MDGA2: variants seen among roughly 807,000 people sequenced by gnomAD.
The protein encoded by MDGA2 is MAM domain-containing glycosylphosphatidylinositol anchor protein 2.
A neutral mutation model predicts 117.8 loss-of-function variants in MDGA2; 40 were observed. The observed-to-expected ratio is 0.34, with a 90% CI of 0.26 to 0.44. The LOEUF (loss-of-function observed/expected upper bound fraction) is 0.44. Among genes scored for constraint, MDGA2 ranks in the 20% least tolerant of loss-of-function variants. The probability of loss-of-function intolerance (pLI) is 1.00; values close to 1 mark genes in which losing one functional copy is unlikely to be tolerated. For synonymous variants in MDGA2, 452 were observed against 439.0 expected, an observed-to-expected ratio of 1.03 and a Z score of -0.37; for missense variants, 1,123 against 1,250.6, an observed-to-expected ratio of 0.90 and a Z score of 1.54.
At chr14:47,158,363 G>GTGTGTGTGTGT (rs1555358939) in intron 3 of MDGA2, among the ~76,000 whole-genome samples, 11 of 146,784 alleles carry the variant, frequency 7.5e-5, no homozygotes, top group South Asian at 2.2e-4. Context: ...CCCTGGGGTG[G>GTGTGTGTGTGT]GTGTGTGTGT....
chr14:46,990,839 C>A (rs1355843500), intron 8 of MDGA2, among the ~76,000 whole-genome samples: 1 of 148,384 alleles, frequency 6.7e-6, no homozygotes, highest in Admixed American at 6.9e-5. Flanking sequence ...ATTGAATAAT[C>A]ATATATGGAT....
chr14:47,181,380 T>C (rs1884699173), intron 3 of MDGA2, among the ~76,000 whole-genome samples: 1 of 152,152 alleles, frequency 6.6e-6, no homozygotes, highest in Non-Finnish European at 1.5e-5. Context: ...CCAACCTAAA[T>C]GTCCATCAAT....
In MDGA2 at chr14:47,335,747, T is replaced by TATATATATATATATATATATATATACAC. The variant is rs1055245438; in HGVS notation, c.281-34198_281-34197insGTGTATATATATATATATATATATATAT. On this transcript the variant is annotated intron_variant, in intron 1 of 16. Transcript: ENST00000399232. ...CACACATATATTTTATATATATATA[T>TATATATATATATATATATATATATACAC]ACATACATACATACAGGATCACTCT... 9.0e-3 allele frequency among the ~76,000 whole-genome samples: 618 copies of TATATATATATATATATATATATATACAC among 68,514 alleles called. 65 individuals carry two copies. In the East Asian group the frequency reaches 0.13, roughly 14 times the overall value. 44.9% of individuals were successfully genotyped at this position (68,514 alleles called of 152,430 possible). A position where few individuals can be genotyped will look rare whatever the true frequency, so the allele number is the denominator to read the frequency against.
chr14:47,235,027 T>A (rs1419829398), intron 2 of MDGA2, among the ~76,000 whole-genome samples: 1 of 152,180 alleles, frequency 6.6e-6, no homozygotes, highest in East Asian at 1.9e-4. Context: ...CTTCATTATC[T>A]TATTGATTTT....
chr14:47,014,396 C>T (rs1346048528), intron 8 of MDGA2, among the ~76,000 whole-genome samples: 3 of 152,298 alleles, frequency 2.0e-5, no homozygotes, highest in East Asian at 1.9e-4. Context: ...GTTTTGAAGC[C>T]AGTCATTGAT....
chr14:47,105,314 C>T (rs962347114), intron 5 of MDGA2, among the ~76,000 whole-genome samples: 1 of 151,986 alleles, frequency 6.6e-6, no homozygotes, highest in African/African-American at 2.4e-5. Flanking sequence ...TATCTCTGTG[C>T]CCCAATCCCT....
At chr14:47,021,393 C>T (rs117568601) in intron 8 of MDGA2, among the ~76,000 whole-genome samples, 1,552 of 152,174 alleles carry the variant, frequency 0.01, 10 homozygotes, top group Non-Finnish European at 0.014. Context: ...TTTAATTCAT[C>T]GGGCACTGAA....
chr14:47,149,153 G>T (rs569055629), intron 3 of MDGA2, among the ~76,000 whole-genome samples: 1 of 152,152 alleles, frequency 6.6e-6, no homozygotes, highest in Non-Finnish European at 1.5e-5. Context: ...AGCCAGGCAT[G>T]GTGGCAGGCA....
intron 3 of MDGA2, among the ~76,000 whole-genome samples, chr14:47,149,887 C>T (rs1418588509): frequency 6.6e-6 from 1 of 152,170 alleles, no homozygotes; most frequent in Non-Finnish European, 1.5e-5. Flanking sequence ...CATCCAGCAG[C>T]CTCAGCATCT....
At chr14:46,937,187 T>C (rs1048201238) in intron 9 of MDGA2, among the ~76,000 whole-genome samples, 1 of 151,552 alleles carries the variant, frequency 6.6e-6, no homozygotes, top group African/African-American at 2.4e-5. Context: ...ACAATGCCAT[T>C]TACAACAGGC....
At chr14:47,564,954 T>C (rs976772713) in intron 1 of MDGA2, among the ~76,000 whole-genome samples, 2 of 152,208 alleles carry the variant, frequency 1.3e-5, no homozygotes, top group African/African-American at 4.8e-5. Flanking sequence ...TTCAACTCCA[T>C]CAGCTCAGTT....
intron 1 of MDGA2, among the ~76,000 whole-genome samples, chr14:47,447,856 C>G (rs1258781208): frequency 6.6e-6 from 1 of 152,130 alleles, no homozygotes; most frequent in African/African-American, 2.4e-5. Context: ...CGTTAGGCTC[C>G]TCTAAAATTC....
At chr14:47,170,811 T>G (rs1252363458) in intron 3 of MDGA2, among the ~76,000 whole-genome samples, 2 of 152,176 alleles carry the variant, frequency 1.3e-5, no homozygotes, top group Non-Finnish European at 2.9e-5. Context: ...AAAACCAATT[T>G]TGATTCAGCT....
chr14:47,366,498 G>C (rs1891233859), intron 1 of MDGA2, among the ~76,000 whole-genome samples: 1 of 152,076 alleles, frequency 6.6e-6, no homozygotes, highest in East Asian at 1.9e-4. Context: ...CAAAATAAAA[G>C]CCAAATGAGG....
chr14:46,919,870 ATATC>A (rs1052688790), intron 10 of MDGA2, 138 bp downstream of exon 10: 25 of 654,888 alleles, frequency 3.8e-5, no homozygotes, highest in African/African-American at 3.7e-4. Flanking sequence ...GGGTGAAAAC[ATATC>A]TATCTGTCTA....
intron 1 of MDGA2, among the ~76,000 whole-genome samples, chr14:47,518,720 G>C (rs1894806752): frequency 6.6e-6 from 1 of 152,092 alleles, no homozygotes; most frequent in South Asian, 2.1e-4. Flanking sequence ...TGACAATAAA[G>C]CTACTTAGGA....
intron 1 of MDGA2, among the ~76,000 whole-genome samples, chr14:47,378,588 G>A (rs986677497): frequency 1.3e-5 from 2 of 152,252 alleles, no homozygotes; most frequent in Middle Eastern, 3.4e-3. Context: ...TTCAGTAGCC[G>A]ATTCGATCAA....
intron 5 of MDGA2, 94 bp downstream of exon 5, chr14:47,131,620 C>G: frequency 1.0e-6 from 1 of 1,002,130 alleles, no homozygotes; most frequent in South Asian, 2.5e-5. Context: ...CTACATACAC[C>G]GTAGAAATCA....
chr14:47,285,227 C>T (rs984368460), intron 2 of MDGA2, among the ~76,000 whole-genome samples: 3 of 152,102 alleles, frequency 2.0e-5, no homozygotes, highest in Non-Finnish European at 2.9e-5. Flanking sequence ...AGACAATGTT[C>T]CCTCAAAGCC....
Sources: allele counts gnomAD v4.1 joint callset (sites outside exome capture counted in the v4.1 genomes callset), GRCh38; gene constraint gnomAD v4.1.1; transcripts MANE v1.5; gene names NCBI Gene and HGNC (gene_info 2026-07-23, HGNC 2026-07-21).